Variants in KCND3 observed in about 807,000 individuals in gnomAD.
KCND3 encodes the protein potassium voltage-gated channel subfamily D member 3.
Under a neutral mutation model 51.1 loss-of-function variants are expected in KCND3, and 9 were observed. The ratio of observed to expected loss-of-function variants is 0.18; its 90% CI spans 0.11 to 0.31. KCND3 has a LOEUF of 0.31. KCND3 is among the 10% of genes least tolerant of loss of function. KCND3 has a pLI of 1.00. For synonymous variants in KCND3, 349 were observed against 368.0 expected (o/e 0.95, Z 0.59); for missense variants, 526 against 903.8 (o/e 0.58, Z 5.36).
intron 2 of KCND3, among the ~76,000 whole-genome samples, chr1:111,917,401 G>A (rs939116560): frequency 6.6e-6 from 1 of 152,222 alleles, no homozygotes; most frequent in Non-Finnish European, 1.5e-5. Flanking sequence ...AGTATGTGGA[G>A]TGCTTAGAAT....
At chr1:111,977,123 G>C (rs1674676801) in intron 2 of KCND3, among the ~76,000 whole-genome samples, 1 of 152,260 alleles carries the variant, frequency 6.6e-6, no homozygotes, top group African/African-American at 2.4e-5. Flanking sequence ...CCACCCCCAA[G>C]TAGGTGGACA....
At chr1:111,850,824 T>C (rs965904560) in intron 2 of KCND3, among the ~76,000 whole-genome samples, 16 of 152,310 alleles carry the variant, frequency 1.1e-4, no homozygotes, top group African/African-American at 3.9e-4. Context: ...AACACCCACA[T>C]GACACAGACA....
At chr1:111,813,497 T>A (rs551814441) in intron 2 of KCND3, among the ~76,000 whole-genome samples, 134 of 152,258 alleles carry the variant, frequency 8.8e-4, no homozygotes, top group Non-Finnish European at 1.5e-3. Context: ...ATGTGGAAGA[T>A]GATAATATTC....
intron 1 of KCND3, chr1:111,988,710 C>T (rs983972593): frequency 1.3e-5 from 2 of 152,160 alleles, no homozygotes; most frequent in Non-Finnish European, 2.9e-5. Flanking sequence ...CCTAGGACCC[C>T]GAGAAAGTTC....
At chr1:111,848,168 C>T (rs779879526) in intron 2 of KCND3, among the ~76,000 whole-genome samples, 4 of 152,206 alleles carry the variant, frequency 2.6e-5, no homozygotes, top group Non-Finnish European at 1.5e-5. Flanking sequence ...GCCACGCGAT[C>T]GCCTGGAAGT....
rs139755948 is a variant in KCND3 at position 111,802,090 on chromosome 1, G to C, written c.1107-14984C>G. Among the ~76,000 whole-genome samples the C allele has an allele frequency of 2.6e-5, 4 of 152,354 alleles. No individual in the cohort carries two copies. In the East Asian group the frequency reaches 7.7e-4, roughly 29 times the overall value. On this transcript the variant is annotated intron_variant, in intron 2 of 7. Coordinates refer to ENST00000302127, the MANE Select transcript of KCND3 (RefSeq NM_001378969.1). ...TGGAATAGCAATAAACTACCTCACA[G>C]GGTTGTTATAAAAATCAAGTCTGTA...
At position 111,775,959 on chromosome 1, in the gene KCND3, C is replaced by A; in HGVS notation, c.*118G>T. 2.6e-6 allele frequency: 3 copies of A among 1,163,166 alleles called. No homozygotes were observed. Among genetic ancestry groups the A allele is most frequent in the Non-Finnish European group, 3.8e-6 (3 of 783,366 alleles). The allele number at this position is 1,163,166 out of a possible 1,614,324, so 72.1% of individuals were successfully genotyped here. ...GGCACAAGTCTCAGTGCTAGGGGTACAATGGGGCAGGCAGAAATAGTGGGG... is the reference window on the plus strand; with the variant it reads ...GGCACAAGTCTCAGTGCTAGGGGTAAAATGGGGCAGGCAGAAATAGTGGGG... On this transcript the variant is annotated 3_prime_UTR_variant, in exon 8 of 8. Coordinates refer to ENST00000302127, the MANE Select transcript of KCND3 (RefSeq NM_001378969.1).
intron 2 of KCND3, among the ~76,000 whole-genome samples, chr1:111,817,034 T>C (rs1338289244): frequency 6.6e-6 from 1 of 152,206 alleles, no homozygotes; most frequent in Non-Finnish European, 1.5e-5. Flanking sequence ...CAGGTGGTTT[T>C]TGGTTACATG....
At chr1:111,829,045 A>G (rs976905736) in intron 2 of KCND3, among the ~76,000 whole-genome samples, 3 of 152,186 alleles carry the variant, frequency 2.0e-5, no homozygotes, top group African/African-American at 4.8e-5. Flanking sequence ...AGACAATTCA[A>G]TCTATTTTCT....
chr1:111,939,206 G>A (rs34637486), intron 2 of KCND3, among the ~76,000 whole-genome samples: 14,237 of 152,122 alleles, frequency 0.094, 815 homozygotes, highest in Middle Eastern at 0.13. Context: ...AAACCCTCAG[G>A]CCCCACAAGG....
chr1:111,957,326 G>A (rs1421980707), intron 2 of KCND3, among the ~76,000 whole-genome samples: 4 of 152,124 alleles, frequency 2.6e-5, no homozygotes, highest in Non-Finnish European at 5.9e-5. Flanking sequence ...TGTTTCATCC[G>A]GCCCCACCCG....
chr1:111,875,465 T>C (rs985746055), intron 2 of KCND3, among the ~76,000 whole-genome samples: 1 of 152,200 alleles, frequency 6.6e-6, no homozygotes, highest in Non-Finnish European at 1.5e-5. Context: ...AGGTGCTGCT[T>C]TGGGGACTGG....
At chr1:111,818,116 G>A (rs1328718915) in intron 2 of KCND3, among the ~76,000 whole-genome samples, 1 of 151,892 alleles carries the variant, frequency 6.6e-6, no homozygotes, top group African/African-American at 2.4e-5. Flanking sequence ...CAGGCTTCAG[G>A]GCTGGGCATA....
chr1:111,964,665 G>T (rs1571912564), intron 2 of KCND3, among the ~76,000 whole-genome samples: 1 of 152,322 alleles, frequency 6.6e-6, no homozygotes, highest in South Asian at 2.1e-4. Flanking sequence ...TTATATTTTT[G>T]AAATTCTAGG....
intron 1 of KCND3, among the ~76,000 whole-genome samples, chr1:111,988,187 G>T (rs1207450896): frequency 6.6e-6 from 1 of 152,162 alleles, no homozygotes; most frequent in Non-Finnish European, 1.5e-5. Context: ...TGGTCTGGGG[G>T]CAGAGGAAGG....
chr1:111,791,606 C>G (rs185884029), intron 2 of KCND3, among the ~76,000 whole-genome samples: 3 of 152,278 alleles, frequency 2.0e-5, no homozygotes, highest in Admixed American at 2.0e-4. Context: ...TTCGTTTAAC[C>G]TTTTTTCATT....
intron 2 of KCND3, among the ~76,000 whole-genome samples, chr1:111,818,658 G>A (rs571669146): frequency 1.1e-4 from 17 of 152,356 alleles, no homozygotes; most frequent in African/African-American, 3.1e-4. Context: ...GGTGACACCC[G>A]TCTATTGTCC....
rs1294150954 is a variant in KCND3, at chr1:111,777,147, G to A, written c.1645C>T (p.Arg549Cys). Reference sequence around the variant, plus strand: ...AGGTGTGTGGTCTTCTTACTACGACGGGAGCAGCAGGTGGTAGTGAGGCCT... The same window carrying A: ...AGGTGTGTGGTCTTCTTACTACGACAGGAGCAGCAGGTGGTAGTGAGGCCT... Reference protein sequence around the residue: ...HPGLTTTCCSRRSKKTTHLPN... With the variant: ...HPGLTTTCCSCRSKKTTHLPN... The change falls in exon 7 of 8, where the codon CGT becomes TGT. Residue 549 changes from arginine to cysteine, a missense_variant. This residue lies in a region of KCND3 where 266 missense variants were observed against 305.5 expected (regional missense o/e 0.87). Transcript: ENST00000302127. 1.3e-5 allele frequency: 21 copies of A among 1,614,062 alleles called. No individual in the cohort carries two copies. Among genetic ancestry groups the A allele is most frequent in the Non-Finnish European group, 1.7e-5 (20 of 1,180,038 alleles).
At chr1:111,797,357 C>G (rs1665099912) in intron 2 of KCND3, among the ~76,000 whole-genome samples, 2 of 152,276 alleles carry the variant, frequency 1.3e-5, no homozygotes, top group Admixed American at 6.5e-5. Context: ...GCCTGTTCAT[C>G]CAGAGGGATT....
Sources: allele counts gnomAD v4.1 joint callset (sites outside exome capture counted in the v4.1 genomes callset), GRCh38; gene constraint gnomAD v4.1.1; regional missense constraint gnomAD v4.1.1; transcripts MANE v1.5; gene names NCBI Gene and HGNC (gene_info 2026-07-23, HGNC 2026-07-21).